The following RNF207 variants were observed in gnomAD, a reference collection of about 807,000 sequenced individuals.
RNF207 encodes OTTHUMG00000001089.
In RNF207, 72 loss-of-function variants were observed where a neutral mutation model predicts 79.0. The observed-to-expected ratio is 0.91, with a 90% confidence interval of 0.75 to 1.11. The LOEUF is 1.11. Among genes scored for constraint, RNF207 ranks in the 50% least tolerant of loss-of-function variants. RNF207 has a pLI of 0.00. For synonymous variants in RNF207, 348 were observed against 366.2 expected, an observed-to-expected ratio of 0.95 and a Z score of 0.57; for missense variants, 936 against 855.8, an observed-to-expected ratio of 1.09 and a Z score of -1.17.
intron 16 of RNF207, among the ~76,000 whole-genome samples, chr1:6,214,522 C>A (rs939837833): frequency 2.6e-5 from 4 of 152,004 alleles, no homozygotes; most frequent in African/African-American, 9.7e-5. Flanking sequence ...CCTGCCTCAG[C>A]CTCCCAAGTA....
chr1:6,210,992 C>G (rs1368369993), intron 11 of RNF207, 29 bp from the exon 12 acceptor site: 2 of 1,599,538 alleles, frequency 1.3e-6, no homozygotes, highest in Non-Finnish European at 1.7e-6. Flanking sequence ...GCAGTGGAGG[C>G]CACCTCATGA....
chr1:6,210,506 C>A, intron 10 of RNF207, 68 bp downstream of exon 10: 1 of 1,314,660 alleles, frequency 7.6e-7, no homozygotes, highest in Non-Finnish European at 1.1e-6. Flanking sequence ...CCAAAGCCAC[C>A]AACTCAGGGG....
In RNF207 at chr1:6,210,386, GCTC is replaced by G; in HGVS notation, c.896_898del (p.Ser299del). 6.2e-7 allele frequency: 1 copy of G among 1,613,806 alleles called. No individual in the cohort carries two copies. Among genetic ancestry groups the G allele is most frequent in the Non-Finnish European group, 8.5e-7 (1 of 1,179,914 alleles). ...CTCCCCCAGGTCCACCTGGTCATCT[GCTC>G]CTCCTTCCTCAGCTTGGCCAACAAG... On this transcript the variant is annotated inframe_deletion, in exon 10 of 18. Transcript: ENST00000377939.
intron 16 of RNF207, among the ~76,000 whole-genome samples, chr1:6,218,040 C>T (rs762808524): frequency 3.3e-5 from 5 of 152,258 alleles, no homozygotes; most frequent in Non-Finnish European, 5.9e-5. Context: ...CACACCCTTC[C>T]CTCCCTCAGC....
chr1:6,208,700 G>T (rs1475539267), intron 3 of RNF207, 181 bp from the exon 4 acceptor site: 3 of 607,422 alleles, frequency 4.9e-6, no homozygotes, highest in Non-Finnish European at 8.3e-6. Context: ...GAGCCGCAGT[G>T]CCCTCCTCTG....
In RNF207 at chr1:6,208,971, C is replaced by T; in HGVS notation, c.415C>T (p.Arg139Cys). 1.3e-6 allele frequency: 2 copies of T among 1,537,464 alleles called. No homozygotes were observed. Among genetic ancestry groups the T allele is most frequent in the Non-Finnish European group, 1.7e-6 (2 of 1,145,866 alleles). ...GACGCACCGAGCACGCATGTTCGCG[C>T]GCCACGACATCGTGGCCCTGGGTCA... ...DETHRARMFA[R>C]HDIVALGQRS... Residue 139 changes from arginine to cysteine, a missense_variant, in exon 4 of 18, where the codon CGC (arginine) becomes TGC (cysteine). Physicochemically the swap from Arg to Cys is radical, Grantham distance 180 (BLOSUM62 -3). Coordinates refer to ENST00000377939, the MANE Select transcript of RNF207 (RefSeq NM_207396.3).
intron 17 of RNF207, among the ~76,000 whole-genome samples, chr1:6,218,601 A>G (rs1012416660): frequency 5.3e-5 from 8 of 152,172 alleles, no homozygotes; most frequent in African/African-American, 1.9e-4. Flanking sequence ...TTTTACCATT[A>G]TAAACAGCCA....
In RNF207 at chr1:6,217,235, C is replaced by CCGTT. The variant is rs1668391412; in HGVS notation, c.1653-1052_1653-1049dup. Among the ~76,000 whole-genome samples the CCGTT allele has an allele frequency of 6.6e-6, 1 of 152,202 alleles. No homozygotes were observed. Among genetic ancestry groups the CCGTT allele is most frequent in the East Asian group, 1.9e-4 (1 of 5,196 alleles). On this transcript the variant is annotated intron_variant, in intron 16 of 17. Transcript: ENST00000377939. The surrounding 1 kb of genome is among the most constrained non-coding windows in gnomAD (Gnocchi z 4.2). ...CCCATGCTCCTGCCAGCCTCTCCAG[C>CCGTT]CGTTCCTTCCTGGTCTCTGGCTGGC...
chr1:6,211,126 G>A lies in RNF207; in HGVS notation c.1109+8G>A, dbSNP rs1216379682. 1 of 1,568,234 alleles carries A rather than the reference G, an allele frequency of 6.4e-7. No individual in the cohort carries two copies. Among genetic ancestry groups the A allele is most frequent in the Non-Finnish European group, 8.6e-7 (1 of 1,160,230 alleles). Reference sequence around the variant, plus strand: ...TGCAAGTGGTGCTAACACGTGAGCAGCAACCGGGGAGGCCAGGCACAAGGT... The same window carrying A: ...TGCAAGTGGTGCTAACACGTGAGCAACAACCGGGGAGGCCAGGCACAAGGT... On this transcript the variant is annotated splice_region_variant and intron_variant, in intron 12 of 17. Coordinates refer to ENST00000377939, the MANE Select transcript of RNF207 (RefSeq NM_207396.3). This position sits in a 1 kb window ranked among gnomAD's most constrained non-coding sequence, Gnocchi z 4.2.
chr1:6,206,612 C>T lies in RNF207; in HGVS notation c.77C>T (p.Pro26Leu), dbSNP rs775187088. 6.2e-7 allele frequency: 1 copy of T among 1,607,214 alleles called. No individual in the cohort carries two copies. Among genetic ancestry groups the T allele is most frequent in the South Asian group, 1.1e-5 (1 of 91,034 alleles). The change falls in exon 2 of 18, where the codon CCG becomes CTG. Residue 26 changes from proline to leucine, a missense_variant. Pro to Leu is a moderately conservative substitution (Grantham distance 98, BLOSUM62 -3). Transcript: ENST00000377939. ...CCGAGCATCCACCCGCTGGTGTGCCCGCTGTGCCACGTGCAGTACGAGCGC... is the reference window on the plus strand; with the variant it reads ...CCGAGCATCCACCCGCTGGTGTGCCTGCTGTGCCACGTGCAGTACGAGCGC... ...DAPSIHPLVC[P>L]LCHVQYERPC... is the part of the protein sequence containing the mutation.
At chr1:6,209,065 G>GCC in intron 4 of RNF207, 40 bp downstream of exon 4, 1 of 828,564 alleles carries the variant, frequency 1.2e-6, no homozygotes, top group Non-Finnish European at 1.9e-6. Context: ...GGGGGTGGGG[G>GCC]CGGGGCGGGC....
rs781726848 is a variant in RNF207, at chr1:6,207,710, C to T, written c.324+199C>T. 2.8e-6 allele frequency: 2 copies of T among 721,536 alleles called. No homozygotes were observed. The highest frequency in any genetic ancestry group is 1.5e-5 in the South Asian group (1 of 67,034). 44.7% of individuals were successfully genotyped at this position (721,536 alleles called of 1,614,324 possible). On this transcript the variant is annotated intron_variant, in intron 3 of 17. Coordinates refer to ENST00000377939, the MANE Select transcript of RNF207 (RefSeq NM_207396.3). This position sits in a 1 kb window ranked among gnomAD's most constrained non-coding sequence, Gnocchi z 4.5. Reference sequence around the variant, plus strand: ...TGAGGTCCAGAACAAGGGACTTGAGCCAGTGTCCAGACAGTGGCAGAGGCT... The same window carrying T: ...TGAGGTCCAGAACAAGGGACTTGAGTCAGTGTCCAGACAGTGGCAGAGGCT...
intron 14 of RNF207, 130 bp from the exon 15 acceptor site, chr1:6,212,552 G>C: frequency 8.0e-7 from 1 of 1,243,190 alleles, no homozygotes; most frequent in South Asian, 1.3e-5. Context: ...GAAACTGGGA[G>C]TCTTTGCTGC....
chr1:6,218,155 T>C lies in RNF207; in HGVS notation c.1653-134T>C, dbSNP rs925732077. On this transcript the variant is annotated intron_variant, in intron 16 of 17. Transcript: ENST00000377939. ...CCAACCACTGGACCTTAGTAAATAT[T>C]TGAGGAGCAAAAGAATGAAACGCTA... is the stretch of plus-strand genomic sequence containing the variant. The C allele has an allele frequency of 1.3e-5, 8 of 637,196 alleles. No homozygotes were observed. In the African/African-American group the frequency reaches 1.3e-4, roughly 10 times the overall value. The allele number at this position is 637,196 out of a possible 1,614,324, so 39.5% of individuals were successfully genotyped here.
intron 13 of RNF207, 78 bp from the exon 14 acceptor site, chr1:6,212,153 G>A (rs1431487689): frequency 6.5e-7 from 1 of 1,545,974 alleles, no homozygotes; most frequent in Non-Finnish European, 8.8e-7. Context: ...CTGAAGCTGG[G>A]AGCCATTCCT....
At chr1:6,215,833 G>A (rs1200236670) in intron 16 of RNF207, among the ~76,000 whole-genome samples, 1 of 152,170 alleles carries the variant, frequency 6.6e-6, no homozygotes, top group African/African-American at 2.4e-5. Flanking sequence ...CTCTAAGCTT[G>A]TGTAGGTTTC....
rs1262340329 is a variant in RNF207, at chr1:6,209,146, C to T, written c.501C>T (p.Ser167=). Residue 167 remains serine (S), a synonymous_variant, in exon 5 of 18, where the codon TCC becomes TCT. Transcript: ENST00000377939. ...ACGCAGAGCCCTACCTCTTGTTCTC[C>T]ACCGACAAGAAGTTGCTGTTGTGCA... ...TLHAEPYLLF[S]TDKKLLLCIR... 2.6e-6 allele frequency: 4 copies of T among 1,557,918 alleles called. No homozygotes were observed. Among genetic ancestry groups the T allele is most frequent in the African/African-American group, 2.7e-5 (2 of 73,590 alleles).
In RNF207 at chr1:6,207,354, T is replaced by C; in HGVS notation, c.192-25T>C. 5 of 1,500,630 alleles carry C rather than the reference T, an allele frequency of 3.3e-6. No homozygotes were observed. The highest frequency in any genetic ancestry group is 4.4e-6 in the Non-Finnish European group (5 of 1,125,064). 93.0% of individuals were successfully genotyped at this position (1,500,630 alleles called of 1,614,324 possible). A position where few individuals can be genotyped will look rare whatever the true frequency, so the allele number is the denominator to read the frequency against. ...GAGCCCTGGGGAAGGGGTATCAGAA[T>C]CTCGGGGCCTGGGCTTCTCTGCAGA... On this transcript the variant is annotated intron_variant, in intron 2 of 17. Coordinates refer to ENST00000377939, the MANE Select transcript of RNF207 (RefSeq NM_207396.3). This position sits in a 1 kb window ranked among gnomAD's most constrained non-coding sequence, Gnocchi z 4.5.
At position 6,210,228 on chromosome 1, in the gene RNF207, A is replaced by G. The variant is rs1230086954; in HGVS notation, c.806A>G (p.Tyr269Cys). ...ALLLQAVQSQ[Y>C]EEKDKAFKEQ... Reference sequence around the variant, plus strand: ...AGGCAGCCCCCCTCCCCCAGCCAATACGAAGAGAAGGACAAGGCCTTCAAG... The same window carrying G: ...AGGCAGCCCCCCTCCCCCAGCCAATGCGAAGAGAAGGACAAGGCCTTCAAG... Residue 269 changes from tyrosine to cysteine, a missense_variant, in exon 9 of 18, where the codon TAC becomes TGC. Tyr to Cys is a radical substitution (Grantham distance 194). Coordinates refer to ENST00000377939, the MANE Select transcript of RNF207 (RefSeq NM_207396.3). 1 of 1,612,956 alleles carries G rather than the reference A, an allele frequency of 6.2e-7. No homozygotes were observed. The highest frequency in any genetic ancestry group is 8.5e-7 in the Non-Finnish European group (1 of 1,179,514).
Sources: allele counts gnomAD v4.1 joint callset (sites outside exome capture counted in the v4.1 genomes callset), GRCh38; gene constraint gnomAD v4.1.1; non-coding constraint Gnocchi (gnomAD v3.1); transcripts MANE v1.5; gene names NCBI Gene and HGNC (gene_info 2026-07-23, HGNC 2026-07-21).